Variants in KCNT2 observed in about 807,000 individuals in gnomAD.
KCNT2 encodes potassium sodium-activated channel subfamily T member 2, also known as potassium channel subfamily T member 2.
KCNT2 carries 67 observed loss-of-function variants against 153.8 expected under a neutral mutation model. The ratio of observed to expected loss-of-function variants is 0.44; its 90% CI spans 0.36 to 0.53. The LOEUF is 0.53. Among genes scored for constraint, KCNT2 ranks in the 20% least tolerant of loss-of-function variants. The probability of loss-of-function intolerance (pLI) is 0.00; values close to 1 mark genes in which losing one functional copy is unlikely to be tolerated. For missense variants in KCNT2, 975 were observed against 1,354.8 expected (o/e 0.72, Z 4.40); for synonymous variants, 500 against 458.8 (o/e 1.09, Z -1.15).
intron 22 of KCNT2, among the ~76,000 whole-genome samples, chr1:196,300,758 G>C (rs1206107415): frequency 1.3e-5 from 2 of 152,034 alleles, no homozygotes; most frequent in African/African-American, 4.8e-5. Context: ...CAATACATTT[G>C]TTATATTTTT....
At chr1:196,489,604 T>C (rs968300562) in intron 3 of KCNT2, among the ~76,000 whole-genome samples, 1 of 151,862 alleles carries the variant, frequency 6.6e-6, no homozygotes, top group Non-Finnish European at 1.5e-5. Context: ...AGCAATAAAA[T>C]TTTATGCCTA....
chr1:196,539,341 C>T (rs1656030838), intron 1 of KCNT2, among the ~76,000 whole-genome samples: 2 of 152,140 alleles, frequency 1.3e-5, no homozygotes, highest in African/African-American at 4.8e-5. Flanking sequence ...CCCTCACAGG[C>T]TTTCTTAAAT....
intron 8 of KCNT2, among the ~76,000 whole-genome samples, chr1:196,455,284 T>C (rs1422414526): frequency 2.0e-5 from 3 of 152,054 alleles, no homozygotes; most frequent in African/African-American, 7.2e-5. Flanking sequence ...TATTCACAAG[T>C]TACAGAGATT....
At chr1:196,430,919 A>T (rs1674097492) in intron 8 of KCNT2, among the ~76,000 whole-genome samples, 1 of 152,162 alleles carries the variant, frequency 6.6e-6, no homozygotes, top group Non-Finnish European at 1.5e-5. Flanking sequence ...CCCCTCCAAA[A>T]TTCATGTTGA....
chr1:196,403,008 A>C (rs537996501), intron 12 of KCNT2, among the ~76,000 whole-genome samples: 1 of 151,780 alleles, frequency 6.6e-6, no homozygotes, highest in South Asian at 2.1e-4. Flanking sequence ...ACATTTTGAC[A>C]ATTTCTTACA....
chr1:196,544,222 T>A (rs573637195), intron 1 of KCNT2, among the ~76,000 whole-genome samples: 1 of 152,170 alleles, frequency 6.6e-6, no homozygotes, highest in East Asian at 1.9e-4. Flanking sequence ...TGTAGACATA[T>A]CTCTATGACT....
At chr1:196,562,692 C>A (rs116399969) in intron 1 of KCNT2, among the ~76,000 whole-genome samples, 3,191 of 150,418 alleles carry the variant, frequency 0.021, 123 homozygotes, top group African/African-American at 0.074. Flanking sequence ...CAGTAAGGTT[C>A]TGATTTCTTT....
intron 1 of KCNT2, among the ~76,000 whole-genome samples, chr1:196,585,352 A>G (rs1662548329): frequency 6.6e-6 from 1 of 152,180 alleles, no homozygotes; most frequent in African/African-American, 2.4e-5. Context: ...ACATCAAGTA[A>G]CTGGTAGTGA....
At chr1:196,402,167 T>C (rs2148452401) in intron 12 of KCNT2, among the ~76,000 whole-genome samples, 1 of 151,568 alleles carries the variant, frequency 6.6e-6, no homozygotes, top group South Asian at 2.1e-4. Flanking sequence ...GGAATCATAC[T>C]ACAAGAAAAG....
chr1:196,321,877 A>G (rs2148048870), intron 19 of KCNT2, among the ~76,000 whole-genome samples: 1 of 152,152 alleles, frequency 6.6e-6, no homozygotes, highest in South Asian at 2.1e-4. Flanking sequence ...TACATTGTCA[A>G]CAGTGTTCAT....
intron 19 of KCNT2, among the ~76,000 whole-genome samples, chr1:196,326,384 A>C (rs1663857449): frequency 6.6e-6 from 1 of 152,080 alleles, no homozygotes; most frequent in East Asian, 1.9e-4. Flanking sequence ...CAGTTTTGGC[A>C]GAGATTTGTC....
At chr1:196,411,251 T>C (rs182496595) in intron 12 of KCNT2, among the ~76,000 whole-genome samples, 50 of 151,524 alleles carry the variant, frequency 3.3e-4, no homozygotes, top group Admixed American at 9.3e-4. Flanking sequence ...GGTTTATTTT[T>C]AGGCTCTTTA....
At chr1:196,460,017 TTTTC>T (rs946215656) in intron 8 of KCNT2, among the ~76,000 whole-genome samples, 1 of 151,780 alleles carries the variant, frequency 6.6e-6, no homozygotes, top group Non-Finnish European at 1.5e-5. Context: ...AGCAAGCCCA[TTTTC>T]TTTCTAACAG....
chr1:196,526,121 T>G (rs1654163837), intron 1 of KCNT2, among the ~76,000 whole-genome samples: 1 of 150,976 alleles, frequency 6.6e-6, no homozygotes, highest in Non-Finnish European at 1.5e-5. Flanking sequence ...GTGTTAACAT[T>G]TGAGGAACAG....
intron 1 of KCNT2, among the ~76,000 whole-genome samples, chr1:196,515,628 C>T (rs1228496467): frequency 2.0e-5 from 3 of 152,114 alleles, no homozygotes; most frequent in African/African-American, 4.8e-5. Flanking sequence ...TAAAAAACAA[C>T]GACAACAATA....
At chr1:196,351,078 C>A (rs968768277) in intron 14 of KCNT2, among the ~76,000 whole-genome samples, 1 of 152,126 alleles carries the variant, frequency 6.6e-6, no homozygotes, top group Non-Finnish European at 1.5e-5. Context: ...TGTTTTGGTA[C>A]CAGTATCATG....
At chr1:196,312,811 T>C (rs527505649) in intron 21 of KCNT2, among the ~76,000 whole-genome samples, 1 of 151,882 alleles carries the variant, frequency 6.6e-6, no homozygotes, top group East Asian at 1.9e-4. Context: ...TGTATAAGAA[T>C]TTAGTTCTCT....
chr1:196,600,007 A>AT (rs202104592), intron 1 of KCNT2, among the ~76,000 whole-genome samples: 4,737 of 152,212 alleles, frequency 0.031, 112 homozygotes, highest in South Asian at 0.066. Flanking sequence ...TTAATGATTT[A>AT]TTTTTTCATG....
At chr1:196,295,677 A>G (rs988088408) in intron 22 of KCNT2, among the ~76,000 whole-genome samples, 2 of 151,984 alleles carry the variant, frequency 1.3e-5, no homozygotes, top group Admixed American at 6.6e-5. Context: ...GTTTTGAGTA[A>G]GGCAAAAAAA....
Sources: gnomAD v4.1 joint callset for allele counts (sites outside exome capture counted in the v4.1 genomes callset) on GRCh38, gnomAD v4.1.1 for gene constraint, MANE v1.5 for transcripts, NCBI Gene and HGNC (gene_info 2026-07-23, HGNC 2026-07-21) for gene names.